ARHGAP15: variants seen among roughly 807,000 people sequenced by gnomAD.
ARHGAP15 encodes Rho GTPase activating protein 15.
Under a neutral mutation model 63.7 loss-of-function variants are expected in ARHGAP15, and 51 were observed. The observed-to-expected ratio is 0.80, with a 90% CI of 0.64 to 1.01. The LOEUF (loss-of-function observed/expected upper bound fraction) is 1.01, where lower values mean the gene tolerates loss of function less well. ARHGAP15 is among the 50% of genes least tolerant of loss of function. The pLI, the probability that ARHGAP15 is intolerant of heterozygous loss-of-function variation, is 0.00. For missense variants in ARHGAP15, 560 were observed against 564.6 expected, an observed-to-expected ratio of 0.99 and a Z score of 0.08; for synonymous variants, 191 against 193.8, an observed-to-expected ratio of 0.99 and a Z score of 0.12.
At chr2:143,420,301 C>T (rs1688864042) in intron 6 of ARHGAP15, among the ~76,000 whole-genome samples, 2 of 152,054 alleles carry the variant, frequency 1.3e-5, no homozygotes, top group African/African-American at 2.4e-5. Flanking sequence ...AAGGGATGAA[C>T]AGAAGATGGA....
At chr2:143,655,312 G>C (rs577263939) in intron 12 of ARHGAP15, among the ~76,000 whole-genome samples, 27 of 151,936 alleles carry the variant, frequency 1.8e-4, no homozygotes, top group African/African-American at 5.6e-4. Context: ...TCATTCTTAA[G>C]GGCAGCATTT....
At chr2:143,308,587 G>T (rs1683289063) in intron 6 of ARHGAP15, among the ~76,000 whole-genome samples, 1 of 151,902 alleles carries the variant, frequency 6.6e-6, no homozygotes. Flanking sequence ...TATTGCCAAT[G>T]GCATGTATAG....
chr2:143,577,099 T>C (rs896197618), intron 11 of ARHGAP15, among the ~76,000 whole-genome samples: 4 of 152,178 alleles, frequency 2.6e-5, no homozygotes, highest in African/African-American at 4.8e-5. Context: ...TTCACTTACT[T>C]TGGGCTCAGG....
intron 1 of ARHGAP15, among the ~76,000 whole-genome samples, chr2:143,151,576 G>C (rs1410992171): frequency 6.6e-6 from 1 of 151,956 alleles, no homozygotes; most frequent in Non-Finnish European, 1.5e-5. Context: ...ACATCTAAGT[G>C]ATTCAGAGGT....
intron 8 of ARHGAP15, among the ~76,000 whole-genome samples, chr2:143,461,258 C>A (rs1485874721): frequency 1.3e-4 from 14 of 108,430 alleles, no homozygotes; most frequent in African/African-American, 5.0e-4. Flanking sequence ...CTAGCCTGGG[C>A]TACAGAATGA....
At chr2:143,423,645 TCTGAGTAGTTTC>T (rs1386570037) in intron 6 of ARHGAP15, among the ~76,000 whole-genome samples, 1 of 152,146 alleles carries the variant, frequency 6.6e-6, no homozygotes, top group Admixed American at 6.6e-5. Context: ...ATAGGCAGTG[TCTGAGTAGTTTC>T]CTGAATGAAG....
At chr2:143,704,342 C>T (rs2105425491) in intron 13 of ARHGAP15, among the ~76,000 whole-genome samples, 1 of 152,196 alleles carries the variant, frequency 6.6e-6, no homozygotes, top group South Asian at 2.1e-4. Flanking sequence ...GTAGTACAGG[C>T]AGGAGATATT....
At chr2:143,672,598 A>ACTC (rs1483016832) in intron 12 of ARHGAP15, among the ~76,000 whole-genome samples, 6 of 152,152 alleles carry the variant, frequency 3.9e-5, no homozygotes, top group African/African-American at 1.4e-4. Flanking sequence ...CAGAAACTAA[A>ACTC]CTCAGGTCCA....
chr2:143,587,272 T>C (rs1020606535), intron 11 of ARHGAP15, among the ~76,000 whole-genome samples: 3 of 152,218 alleles, frequency 2.0e-5, no homozygotes, highest in African/African-American at 7.2e-5. Flanking sequence ...TTCCCTCATC[T>C]TGGTGCAGAC....
intron 13 of ARHGAP15, among the ~76,000 whole-genome samples, chr2:143,729,206 A>G (rs1326708424): frequency 1.3e-5 from 2 of 152,244 alleles, no homozygotes; most frequent in East Asian, 3.8e-4. Flanking sequence ...AAGAAAGCAA[A>G]CACAGTTTTA....
chr2:143,418,958 C>G (rs868642454), intron 6 of ARHGAP15, among the ~76,000 whole-genome samples: 1 of 152,102 alleles, frequency 6.6e-6, no homozygotes, highest in Admixed American at 6.5e-5. Context: ...GTATTCACAG[C>G]AGCCCTGGAA....
intron 12 of ARHGAP15, among the ~76,000 whole-genome samples, chr2:143,661,595 T>A (rs1406099687): frequency 6.6e-6 from 1 of 152,118 alleles, no homozygotes; most frequent in African/African-American, 2.4e-5. Context: ...TAGGAACAGC[T>A]CCAGTCTACA....
At chr2:143,228,024 T>C (rs1693286703) in intron 4 of ARHGAP15, 1 of 152,178 alleles carries the variant, frequency 6.6e-6, no homozygotes, top group Admixed American at 6.5e-5. Context: ...CAGATGTTAG[T>C]TCTTTTATTC....
chr2:143,679,659 GTGTGT>G (rs879317158), intron 12 of ARHGAP15, among the ~76,000 whole-genome samples: 1,884 of 12,832 alleles, frequency 0.15, 20 homozygotes, highest in Non-Finnish European at 0.47. Flanking sequence ...GTGTGCGTGT[GTGTGT>G]GTGTGTGTGT....
intron 11 of ARHGAP15, among the ~76,000 whole-genome samples, chr2:143,598,436 C>A (rs1697614790): frequency 6.6e-6 from 1 of 152,140 alleles, no homozygotes; most frequent in East Asian, 1.9e-4. Context: ...ATTCCGAGGC[C>A]ATCATGCTAT....
chr2:143,272,935 T>A (rs1558858814), intron 6 of ARHGAP15, among the ~76,000 whole-genome samples: 1 of 152,172 alleles, frequency 6.6e-6, no homozygotes, highest in African/African-American at 2.4e-5. Context: ...TTTTTTTTTA[T>A]TTTTGGCATT....
At chr2:143,592,111 A>AT (rs952633980) in intron 11 of ARHGAP15, among the ~76,000 whole-genome samples, 1 of 151,948 alleles carries the variant, frequency 6.6e-6, no homozygotes. Flanking sequence ...TAATTCCCTC[A>AT]TTTTTTTCTG....
chr2:143,518,208 A>G (rs1478858028), intron 9 of ARHGAP15, among the ~76,000 whole-genome samples: 1 of 152,248 alleles, frequency 6.6e-6, no homozygotes, highest in Non-Finnish European at 1.5e-5. Flanking sequence ...ATTATAAAAA[A>G]CAAACATCTG....
At chr2:143,164,649 G>A (rs1247822670) in intron 2 of ARHGAP15, among the ~76,000 whole-genome samples, 1 of 151,878 alleles carries the variant, frequency 6.6e-6, no homozygotes, top group African/African-American at 2.4e-5. Flanking sequence ...AAAAACCCAG[G>A]GGAAATTCAG....
Sources: gnomAD v4.1 joint callset for allele counts (sites outside exome capture counted in the v4.1 genomes callset) on GRCh38, gnomAD v4.1.1 for gene constraint, MANE v1.5 for transcripts, NCBI Gene and HGNC (gene_info 2026-07-23, HGNC 2026-07-21) for gene names.